Variants in DHX15 observed in about 807,000 individuals in gnomAD.
DHX15 encodes DEAH-box helicase 15, also known as ATP-dependent RNA helicase DHX15.
In DHX15, 11 loss-of-function variants were observed where a neutral mutation model predicts 94.4. The observed-to-expected ratio is 0.12, with a 90% confidence interval of 0.07 to 0.19. DHX15 has a LOEUF of 0.19. DHX15 is among the 10% of genes least tolerant of loss of function. The pLI, the probability that DHX15 is intolerant of heterozygous loss-of-function variation, is 1.00. For missense variants in DHX15, 304 were observed against 988.5 expected, an observed-to-expected ratio of 0.31 and a Z score of 9.29; for synonymous variants, 338 against 329.9, an observed-to-expected ratio of 1.02 and a Z score of -0.27.
chr4:24,577,378 G>A (rs1722292398), intron 1 of DHX15, among the ~76,000 whole-genome samples: 1 of 151,926 alleles, frequency 6.6e-6, no homozygotes, highest in Non-Finnish European at 1.5e-5. Context: ...TCCCAATTTT[G>A]TTCAGTAAAT....
intron 6 of DHX15, among the ~76,000 whole-genome samples, chr4:24,545,900 G>A (rs918962220): frequency 6.6e-6 from 1 of 152,166 alleles, no homozygotes; most frequent in African/African-American, 2.4e-5. Flanking sequence ...GACTAATATG[G>A]AACAGACCCT....
chr4:24,529,464 C>A, intron 13 of DHX15, 137 bp downstream of exon 13: 1 of 686,842 alleles, frequency 1.5e-6, no homozygotes. Context: ...TCACACCATC[C>A]AGTCAATTCC....
chr4:24,575,597 C>T (rs538076678), intron 2 of DHX15, among the ~76,000 whole-genome samples: 3 of 152,316 alleles, frequency 2.0e-5, no homozygotes, highest in African/African-American at 7.2e-5. Flanking sequence ...CTCTGGAAGG[C>T]TATCCAGCTT....
chr4:24,567,045 G>C (rs541234557), intron 3 of DHX15, among the ~76,000 whole-genome samples: 1 of 152,084 alleles, frequency 6.6e-6, no homozygotes, highest in Non-Finnish European at 1.5e-5. Flanking sequence ...TTAGCTGACT[G>C]AATGACTAAT....
intron 3 of DHX15, among the ~76,000 whole-genome samples, chr4:24,570,285 C>T (rs568788429): frequency 2.3e-4 from 35 of 151,142 alleles, no homozygotes; most frequent in African/African-American, 8.3e-4. Flanking sequence ...ACATCCCATC[C>T]TATACATTCT....
chr4:24,533,136 T>A, intron 11 of DHX15, 82 bp from the exon 12 acceptor site: 1 of 1,221,180 alleles, frequency 8.2e-7, no homozygotes, highest in Non-Finnish European at 1.2e-6. Flanking sequence ...AAAATTGTTA[T>A]AAAGAATAAG....
In DHX15 at chr4:24,527,907, A is replaced by C. The variant is rs762872059; in HGVS notation, c.*17T>G. 3 of 1,560,920 alleles carry C rather than the reference A, an allele frequency of 1.9e-6. No homozygotes were observed. Among genetic ancestry groups the C allele is most frequent in the African/African-American group, 2.7e-5 (2 of 73,884 alleles). The stretch of plus-strand genomic sequence containing the variant: ...TTAAAGCTGTCCTCTCAATAACTTC[A>C]GTTCTAAGCACTGAATTCAGTACTG... On this transcript the variant is annotated 3_prime_UTR_variant, in exon 14 of 14. Coordinates refer to ENST00000336812, the MANE Select transcript of DHX15 (RefSeq NM_001358.3).
intron 11 of DHX15, among the ~76,000 whole-genome samples, chr4:24,534,925 A>G (rs1721163422): frequency 6.6e-6 from 1 of 151,120 alleles, no homozygotes; most frequent in African/African-American, 2.4e-5. Flanking sequence ...TATCGAAATA[A>G]TAACACGTGG....
intron 3 of DHX15, among the ~76,000 whole-genome samples, chr4:24,558,508 T>A (rs940300031): frequency 1.3e-5 from 2 of 152,158 alleles, no homozygotes; most frequent in Non-Finnish European, 2.9e-5. Context: ...TGGCAGACTA[T>A]AAATATTATA....
At chr4:24,584,226 G>A (rs1431372890) in intron 1 of DHX15, 97 bp downstream of exon 1, 4 of 1,251,532 alleles carry the variant, frequency 3.2e-6, no homozygotes, top group South Asian at 1.3e-5. Context: ...AAAGGCTCGG[G>A]CTCCAGGACC....
rs780146956 is a variant in DHX15, at chr4:24,556,426, C to A, written c.702-16G>T. 5.7e-6 allele frequency: 9 copies of A among 1,589,504 alleles called. No individual in the cohort carries two copies. In the Admixed American group the frequency reaches 1.2e-4, roughly 21 times the overall value. ...AGTCATATACCTATATTCCAAAGAACATGTTGGTTAAAGGTTCCGTTAGGT... is the reference window on the plus strand; with the variant it reads ...AGTCATATACCTATATTCCAAAGAAAATGTTGGTTAAAGGTTCCGTTAGGT... On this transcript the variant is annotated splice_polypyrimidine_tract_variant and intron_variant, in intron 3 of 13. Transcript: ENST00000336812.
At position 24,576,552 on chromosome 4, in the gene DHX15, A is replaced by G. The variant is rs1335551806; in HGVS notation, c.198T>C (p.Asn66=). ...EKEKELRAST[N]AMLISAGLPP... is the part of the protein sequence containing the mutation. ...GTAATCCAGCACTGATAAGCATAGC[A>G]TTTGTTGAAGCTCGCAACTCCTTCT... The change falls in exon 2 of 14, where the codon AAT becomes AAC. Residue 66 remains asparagine (N), a synonymous_variant. Coordinates refer to ENST00000336812, the MANE Select transcript of DHX15 (RefSeq NM_001358.3). 2 of 1,614,172 alleles carry G rather than the reference A, an allele frequency of 1.2e-6. No homozygotes were observed. Among genetic ancestry groups the G allele is most frequent in the Non-Finnish European group, 1.7e-6 (2 of 1,180,028 alleles).
intron 3 of DHX15, 54 bp downstream of exon 3, chr4:24,570,600 A>G: frequency 1.3e-6 from 2 of 1,547,764 alleles, no homozygotes; most frequent in East Asian, 2.3e-5. Flanking sequence ...TCTATCTAAT[A>G]GCAGAAAATG....
At chr4:24,541,808 C>G (rs1329287414) in intron 8 of DHX15, 65 bp downstream of exon 8, 2 of 1,434,814 alleles carry the variant, frequency 1.4e-6, no homozygotes, top group African/African-American at 1.4e-5. Flanking sequence ...AGGCAATGTT[C>G]TTCTGGTAAG....
chr4:24,529,840 A>C, intron 12 of DHX15, 70 bp from the exon 13 acceptor site: 1 of 1,471,474 alleles, frequency 6.8e-7, no homozygotes, highest in Non-Finnish European at 9.5e-7. Flanking sequence ...TACCTACATA[A>C]TTAGGAAGAG....
At chr4:24,557,636 T>A (rs1452029651) in intron 3 of DHX15, among the ~76,000 whole-genome samples, 1 of 152,176 alleles carries the variant, frequency 6.6e-6, no homozygotes, top group Non-Finnish European at 1.5e-5. Context: ...GTCATATTTT[T>A]AAAAATAAAC....
chr4:24,536,589 T>C (rs1177242807), intron 11 of DHX15, among the ~76,000 whole-genome samples: 5 of 152,202 alleles, frequency 3.3e-5, no homozygotes, highest in African/African-American at 7.2e-5. Flanking sequence ...CTTTTCCATA[T>C]CATGTTTAGA....
At chr4:24,547,895 A>G (rs199870274) in intron 6 of DHX15, among the ~76,000 whole-genome samples, 508 of 44,636 alleles carry the variant, frequency 0.011, 9 homozygotes, top group African/African-American at 0.032. Context: ...CTCTCTATGT[A>G]TGTATGTGTA....
intron 6 of DHX15, among the ~76,000 whole-genome samples, chr4:24,544,182 A>AT (rs1395843421): frequency 3.3e-5 from 5 of 152,194 alleles, no homozygotes; most frequent in African/African-American, 1.2e-4. Flanking sequence ...GAAAAGATTT[A>AT]TATTTATCCC....
Sources: allele counts gnomAD v4.1 joint callset (sites outside exome capture counted in the v4.1 genomes callset), GRCh38; gene constraint gnomAD v4.1.1; transcripts MANE v1.5; gene names NCBI Gene and HGNC (gene_info 2026-07-23, HGNC 2026-07-21).